Variants in TEX2 observed in about 807,000 individuals in gnomAD.
TEX2 encodes testis expressed 2.
In TEX2, 53 loss-of-function variants were observed where a neutral mutation model predicts 106.9. The observed-to-expected ratio is 0.50, with a 90% CI of 0.40 to 0.62. The LOEUF is 0.62. TEX2 is among the 20% of genes least tolerant of loss of function. The probability of loss-of-function intolerance (pLI) is 0.00; values close to 1 mark genes in which losing one functional copy is unlikely to be tolerated. For missense variants in TEX2, 1,207 were observed against 1,379.0 expected (o/e 0.88, Z 1.98); for synonymous variants, 523 against 534.8 (o/e 0.98, Z 0.30).
At chr17:64,169,286 G>C (rs180942178) in intron 7 of TEX2, among the ~76,000 whole-genome samples, 4 of 152,258 alleles carry the variant, frequency 2.6e-5, no homozygotes, top group African/African-American at 9.6e-5. Context: ...TGATCTACCT[G>C]CCTTGGCCTT....
At chr17:64,198,982 G>C (rs2032568922) in intron 2 of TEX2, among the ~76,000 whole-genome samples, 1 of 152,180 alleles carries the variant, frequency 6.6e-6, no homozygotes, top group Non-Finnish European at 1.5e-5. Flanking sequence ...TGTTCTCCAA[G>C]AAAAGGACAG....
At chr17:64,241,308 C>T (rs1472611514) in intron 1 of TEX2, among the ~76,000 whole-genome samples, 8 of 152,206 alleles carry the variant, frequency 5.3e-5, no homozygotes, top group East Asian at 1.9e-4. Flanking sequence ...GGCCAAGAGG[C>T]CAAGCGGTAA....
chr17:64,164,651 A>G (rs2031044793), intron 7 of TEX2, among the ~76,000 whole-genome samples: 1 of 152,212 alleles, frequency 6.6e-6, no homozygotes, highest in African/African-American at 2.4e-5. Flanking sequence ...TTCTTAATGT[A>G]CAATATCAGA....
intron 1 of TEX2, among the ~76,000 whole-genome samples, chr17:64,238,229 G>A (rs1198032018): frequency 2.0e-5 from 3 of 152,184 alleles, no homozygotes; most frequent in African/African-American, 4.8e-5. Context: ...GACCCTGGAG[G>A]TGGAGGTTGC....
At chr17:64,222,986 A>G (rs554236280) in intron 1 of TEX2, among the ~76,000 whole-genome samples, 2 of 152,312 alleles carry the variant, frequency 1.3e-5, no homozygotes, top group African/African-American at 2.4e-5. Flanking sequence ...TGCTATCCCT[A>G]TGAAGAAGTT....
chr17:64,262,706 A>C (rs1255221708), intron 1 of TEX2, among the ~76,000 whole-genome samples: 1 of 152,186 alleles, frequency 6.6e-6, no homozygotes, highest in Non-Finnish European at 1.5e-5. Context: ...GTTGGAGAAA[A>C]ACCACCGGGG....
intron 4 of TEX2, among the ~76,000 whole-genome samples, chr17:64,190,848 C>A (rs902629404): frequency 6.6e-6 from 1 of 152,202 alleles, no homozygotes; most frequent in East Asian, 1.9e-4. Context: ...GAAGCACAAT[C>A]CGTGTTGCTA....
Position 64,188,189 on chromosome 17 carries a change from G to T in TEX2, c.2403C>A (p.Ser801Arg). The T allele has an allele frequency of 6.2e-7, 1 of 1,609,946 alleles. No homozygotes were observed. Residue 801 changes from serine to arginine, a missense_variant, in exon 5 of 12, where the codon AGC becomes AGA. This residue lies in a region of TEX2 where 1,067 missense variants were observed against 1,193.6 expected (regional missense o/e 0.89). Transcript: ENST00000584379. ...PQRSPLQSAESSPTAGKKLPE... is the reference protein window; with the variant it reads ...PQRSPLQSAERSPTAGKKLPE... ...TTACCTTCTTCCCAGCTGTGGGGCT[G>T]CTCTCCGCACTCTGCAGGGGGCTCC...
At chr17:64,168,942 C>T (rs1264661394) in intron 7 of TEX2, among the ~76,000 whole-genome samples, 7 of 134,186 alleles carry the variant, frequency 5.2e-5, no homozygotes, top group Non-Finnish European at 6.2e-5. Flanking sequence ...CGCTCTGTTG[C>T]CCAGGCCTCA....
At chr17:64,198,728 A>G (rs1340931371) in intron 2 of TEX2, among the ~76,000 whole-genome samples, 1 of 144,742 alleles carries the variant, frequency 6.9e-6, no homozygotes, top group South Asian at 2.1e-4. Context: ...TTGATATAAG[A>G]TAGACATTAC....
rs572032448 is a variant in TEX2 at position 64,245,435 on chromosome 17, C to T, written c.-26+17733G>A. Among the ~76,000 whole-genome samples the T allele has an allele frequency of 1.1e-3, 169 of 152,308 alleles. 1 individual carries two copies. Among genetic ancestry groups the T allele is most frequent in the African/African-American group, 3.8e-3 (159 of 41,568 alleles). Reference sequence around the variant, plus strand: ...AATGCTATGCCTATAAAGTACATGACATCTAAGCAGTAAAGATTTTAGCCT... The same window carrying T: ...AATGCTATGCCTATAAAGTACATGATATCTAAGCAGTAAAGATTTTAGCCT... On this transcript the variant is annotated intron_variant, in intron 1 of 11. Transcript: ENST00000584379.
intron 1 of TEX2, among the ~76,000 whole-genome samples, chr17:64,226,076 C>A (rs116355505): frequency 0.032 from 4,827 of 152,196 alleles, 128 homozygotes; most frequent in South Asian, 0.1. Context: ...AACAATGTAC[C>A]TTTGGGAAAG....
chr17:64,253,333 CTTTTT>C (rs71158311), intron 1 of TEX2, among the ~76,000 whole-genome samples: 2 of 39,464 alleles, frequency 5.1e-5, no homozygotes, highest in African/African-American at 1.4e-4. Flanking sequence ...TTCTTTCTTT[CTTTTT>C]TTTTTTTTTG....
At chr17:64,192,404 G>A (rs2032332032) in intron 4 of TEX2, among the ~76,000 whole-genome samples, 2 of 152,130 alleles carry the variant, frequency 1.3e-5, no homozygotes, top group Non-Finnish European at 1.5e-5. Context: ...GGAGTGATGC[G>A]GCTGCGGGCC....
At chr17:64,160,976 A>G in intron 7 of TEX2, 43 bp from the exon 8 acceptor site, 1 of 1,595,042 alleles carries the variant, frequency 6.3e-7, no homozygotes, top group South Asian at 1.1e-5. Flanking sequence ...TTCCCTCAAA[A>G]AAACACATGA....
chr17:64,201,467 G>A (rs2032657275), intron 2 of TEX2, among the ~76,000 whole-genome samples: 1 of 152,110 alleles, frequency 6.6e-6, no homozygotes, highest in Non-Finnish European at 1.5e-5. Context: ...TTATGGCCCA[G>A]GTACCCCAGG....
At chr17:64,189,932 C>T (rs776948580) in intron 4 of TEX2, among the ~76,000 whole-genome samples, 8 of 151,244 alleles carry the variant, frequency 5.3e-5, no homozygotes, top group Non-Finnish European at 1.2e-4. Context: ...TTGCAGTGAG[C>T]CAAGATCATA....
At position 64,185,315 on chromosome 17, in the gene TEX2, A is replaced by G. The variant is rs966131992; in HGVS notation, c.2424+2853T>C. Among the ~76,000 whole-genome samples the G allele has an allele frequency of 1.3e-5, 2 of 152,214 alleles. No individual in the cohort carries two copies. Among genetic ancestry groups the G allele is most frequent in the Non-Finnish European group, 2.9e-5 (2 of 68,028 alleles). Reference sequence around the variant, plus strand: ...GGACAGGAACCATGGCCTCTCTCCCAGGCAGGCAATGCAGGGCACACAGAA... The same window carrying G: ...GGACAGGAACCATGGCCTCTCTCCCGGGCAGGCAATGCAGGGCACACAGAA... On this transcript the variant is annotated intron_variant, in intron 5 of 11. Coordinates refer to ENST00000584379, the MANE Select transcript of TEX2 (RefSeq NM_001288732.2). This position sits in a 1 kb window ranked among gnomAD's most constrained non-coding sequence, Gnocchi z 4.0.
intron 5 of TEX2, among the ~76,000 whole-genome samples, chr17:64,180,304 A>C (rs2031803082): frequency 6.6e-6 from 1 of 152,270 alleles, no homozygotes; most frequent in Non-Finnish European, 1.5e-5. Flanking sequence ...CACAGGAAAC[A>C]GTTTTAGCAC....
Sources: allele counts gnomAD v4.1 joint callset (sites outside exome capture counted in the v4.1 genomes callset), GRCh38; gene constraint gnomAD v4.1.1; regional missense constraint gnomAD v4.1.1; non-coding constraint Gnocchi (gnomAD v3.1); transcripts MANE v1.5; gene names NCBI Gene and HGNC (gene_info 2026-07-23, HGNC 2026-07-21).